NDEL1: variants seen among roughly 807,000 people sequenced by gnomAD.
NDEL1 encodes nudE neurodevelopment protein 1 like 1, also known as nuclear distribution protein nudE-like 1.
Under a neutral mutation model 45.7 loss-of-function variants are expected in NDEL1, and 9 were observed. The observed-to-expected ratio is 0.20, with a 90% confidence interval of 0.12 to 0.34. The LOEUF (loss-of-function observed/expected upper bound fraction) is 0.34, where lower values mean the gene tolerates loss of function less well. Among genes scored for constraint, NDEL1 ranks in the 10% least tolerant of loss-of-function variants. NDEL1 has a pLI of 1.00. For missense variants in NDEL1, 306 were observed against 406.2 expected (o/e 0.75, Z 2.12); for synonymous variants, 133 against 158.6 (o/e 0.84, Z 1.21).
At chr17:8,446,728 G>A (rs757852234) in intron 3 of NDEL1, 26 bp from the exon 4 acceptor site, 10 of 1,611,716 alleles carry the variant, frequency 6.2e-6, no homozygotes, top group Non-Finnish European at 8.5e-6. Flanking sequence ...TTAATGACAT[G>A]TACTTTCCTA....
At chr17:8,471,766 A>G (rs917236994), downstream of NDEL1, among the ~76,000 whole-genome samples, 2 of 152,226 alleles carry the variant, frequency 1.3e-5, no homozygotes, top group African/African-American at 2.4e-5. Flanking sequence ...GGTACTTCAC[A>G]ATCTGCTTGA....
Position 8,446,852 on chromosome 17 carries a change from G to A in NDEL1, c.339G>A (p.Lys113=). ...GGGCCATTAAGGAGCAGTTGCATAAGTATGTGAGAGAGCTGGAGCAGGCCA... is the reference window on the plus strand; with the variant it reads ...GGGCCATTAAGGAGCAGTTGCATAAATATGTGAGAGAGCTGGAGCAGGCCA... The part of the protein sequence containing the change: ...QTRAIKEQLH[K]YVRELEQAND... Residue 113 remains lysine, a synonymous_variant, in exon 4 of 9, where the codon AAG becomes AAA. Transcript: ENST00000334527. 1 of 1,614,184 alleles carries A rather than the reference G, an allele frequency of 6.2e-7. No individual in the cohort carries two copies. The highest frequency in any genetic ancestry group is 8.5e-7 in the Non-Finnish European group (1 of 1,180,040).
chr17:8,415,804 A>G lies in NDEL1; in HGVS notation c.-13+2535A>G, dbSNP rs191156492. 1.3e-3 allele frequency among the ~76,000 whole-genome samples: 205 copies of G among 151,876 alleles called. 2 individuals are homozygous for G. The East Asian group carries it at 0.032, about 24-fold the overall frequency. Reference sequence around the variant, plus strand: ...GCACTGTTGCCCAGGCTGGAGTGTGATGGCGCGATCTCAGTTCACTGCAAC... The same window carrying G: ...GCACTGTTGCCCAGGCTGGAGTGTGGTGGCGCGATCTCAGTTCACTGCAAC... On this transcript the variant is annotated intron_variant, in intron 1 of 4. Coordinates refer to the NDEL1 transcript ENST00000582812.
intron 1 of NDEL1, among the ~76,000 whole-genome samples, chr17:8,421,021 A>T (rs1908693931): frequency 6.6e-6 from 1 of 152,226 alleles, no homozygotes; most frequent in Non-Finnish European, 1.5e-5. Context: ...GTGGTAAGAG[A>T]TGCACATTTG....
chr17:8,439,655 G>A (rs935899562), intron 1 of NDEL1, among the ~76,000 whole-genome samples: 2 of 152,086 alleles, frequency 1.3e-5, no homozygotes, highest in East Asian at 1.9e-4. Flanking sequence ...ACTGGAATAT[G>A]CATATATTCC....
intron 6 of NDEL1, 63 bp downstream of exon 6, chr17:8,451,016 C>T: frequency 2.7e-6 from 4 of 1,490,802 alleles, no homozygotes; most frequent in Non-Finnish European, 3.6e-6. Flanking sequence ...GGGTTTGTTG[C>T]TGAAGGCGGT....
At chr17:8,446,666 T>TCCC (rs5819193) in intron 3 of NDEL1, 88 bp from the exon 4 acceptor site, 1 of 1,261,038 alleles carries the variant, frequency 7.9e-7, no homozygotes, top group African/African-American at 1.5e-5. Context: ...TTCCTTGGGT[T>TCCC]CCCCCCCACC....
intron 1 of NDEL1, among the ~76,000 whole-genome samples, chr17:8,417,159 C>T (rs746461254): frequency 6.6e-6 from 1 of 151,974 alleles, no homozygotes; most frequent in Non-Finnish European, 1.5e-5. Flanking sequence ...CTCTGTCTCC[C>T]AGGCTGGAGT....
intron 1 of NDEL1, among the ~76,000 whole-genome samples, chr17:8,413,598 G>A (rs1419591329): frequency 3.3e-5 from 5 of 152,156 alleles, no homozygotes; most frequent in African/African-American, 1.2e-4. Context: ...AGTTCATAGG[G>A]TTCTGACAGG....
chr17:8,434,042 T>C (rs147656035), upstream of NDEL1, among the ~76,000 whole-genome samples: 113 of 152,318 alleles, frequency 7.4e-4, no homozygotes, highest in Non-Finnish European at 1.3e-3. Context: ...TAGGCTCACT[T>C]TGTTTTCACC....
chr17:8,418,020 C>T (rs538183444), intron 1 of NDEL1, among the ~76,000 whole-genome samples: 61 of 152,254 alleles, frequency 4.0e-4, no homozygotes, highest in African/African-American at 7.0e-4. Flanking sequence ...CAAAGTAGCC[C>T]GCACCTCCAG....
upstream of NDEL1, among the ~76,000 whole-genome samples, chr17:8,434,182 G>A (rs187807243): frequency 8.5e-5 from 13 of 152,312 alleles, no homozygotes; most frequent in Admixed American, 8.5e-4. Flanking sequence ...ACTTTGTGGG[G>A]GGCTGAGGTG....
chr17:8,460,527 C>G (rs755191471), intron 8 of NDEL1, among the ~76,000 whole-genome samples: 1 of 152,180 alleles, frequency 6.6e-6, no homozygotes, highest in Non-Finnish European at 1.5e-5. Context: ...TATATGCAAA[C>G]TCTACAACAG....
intron 1 of NDEL1, among the ~76,000 whole-genome samples, chr17:8,430,082 G>T (rs1002927927): frequency 6.6e-6 from 1 of 152,120 alleles, no homozygotes; most frequent in Non-Finnish European, 1.5e-5. Context: ...AGTGCCTTGT[G>T]CTTCACTGAC....
chr17:8,472,874 G>A (rs1911896571), downstream of NDEL1, among the ~76,000 whole-genome samples: 1 of 152,140 alleles, frequency 6.6e-6, no homozygotes, highest in Non-Finnish European at 1.5e-5. Flanking sequence ...CCCAAGTCTT[G>A]CCTGAGTTCC....
chr17:8,451,127 A>C (rs1910480328), intron 6 of NDEL1, among the ~76,000 whole-genome samples, 174 bp downstream of exon 6: 1 of 152,248 alleles, frequency 6.6e-6, no homozygotes, highest in African/African-American at 2.4e-5. Flanking sequence ...AATATATAGG[A>C]AACAGTGAAA....
chr17:8,468,419 G>T (rs1911741475), downstream of NDEL1, among the ~76,000 whole-genome samples: 1 of 152,228 alleles, frequency 6.6e-6, no homozygotes, highest in Admixed American at 6.5e-5. Context: ...AATCTGAAAG[G>T]AAGGACCAGG....
chr17:8,434,523 G>C (rs1442600992), upstream of NDEL1, among the ~76,000 whole-genome samples: 1 of 152,076 alleles, frequency 6.6e-6, no homozygotes, highest in Non-Finnish European at 1.5e-5. Flanking sequence ...TGACCAGCCT[G>C]GGCAACACAG....
At chr17:8,443,031 G>A (rs1037574811) in intron 1 of NDEL1, among the ~76,000 whole-genome samples, 5 of 151,242 alleles carry the variant, frequency 3.3e-5, no homozygotes, top group South Asian at 2.1e-4. Flanking sequence ...CGCCCGCCTC[G>A]GCCTCCCAAA....
Sources: gnomAD v4.1 joint callset for allele counts (sites outside exome capture counted in the v4.1 genomes callset) on GRCh38, gnomAD v4.1.1 for gene constraint, MANE v1.5 for transcripts, NCBI Gene and HGNC (gene_info 2026-07-23, HGNC 2026-07-21) for gene names.